The following BANP variants were observed in gnomAD, a reference collection of about 807,000 sequenced individuals.
BANP encodes protein BANP.
BANP carries 11 observed loss-of-function variants against 68.1 expected under a neutral mutation model. That is an observed-to-expected ratio of 0.16 (90% CI 0.10 to 0.27). BANP has a LOEUF of 0.27. Ranked by LOEUF, BANP falls within the 10% of genes least tolerant of loss-of-function variation. The pLI is 1.00. For synonymous variants in BANP, 329 were observed against 303.2 expected, an observed-to-expected ratio of 1.09 and a Z score of -0.88; for missense variants, 504 against 722.7, an observed-to-expected ratio of 0.70 and a Z score of 3.47.
chr16:87,975,071 T>G lies in BANP; in HGVS notation c.-45T>G. On this transcript the variant is annotated 5_prime_UTR_variant, in exon 2 of 14. Coordinates refer to ENST00000682872, the MANE Select transcript of BANP (RefSeq NM_001386991.1). ...AGGTGACCAAAAGCCAGCCCCACTG[T>G]GAGTTGAACTCTTTCGTGTTGACCG... 11 of 1,566,848 alleles carry G rather than the reference T, an allele frequency of 7.0e-6. No homozygotes were observed. Among genetic ancestry groups the G allele is most frequent in the African/African-American group, 1.4e-5 (1 of 73,826 alleles).
At chr16:88,059,321 G>C (rs1423946265) in intron 11 of BANP, among the ~76,000 whole-genome samples, 2 of 151,990 alleles carry the variant, frequency 1.3e-5, no homozygotes, top group Non-Finnish European at 1.5e-5. Flanking sequence ...AGTGCTTGCT[G>C]TTCCTGGGCT....
rs1414442636 is a variant in BANP at position 88,003,470 on chromosome 16, TTCTC to T, written c.363-822_363-819del. ...ACGTTGTGTTTCTAGTGCTAGTTCTTTCTCTCCCCAGCCTTCCACAACAAAGCGG... is the reference window on the plus strand; with the variant it reads ...ACGTTGTGTTTCTAGTGCTAGTTCTTTCCCCAGCCTTCCACAACAAAGCGG... On this transcript the variant is annotated intron_variant, in intron 4 of 13. Coordinates refer to ENST00000682872, the MANE Select transcript of BANP (RefSeq NM_001386991.1). This position sits in a 1 kb window ranked among gnomAD's most constrained non-coding sequence, Gnocchi z 6.1. 1 of 456,316 alleles carries T rather than the reference TTCTC, an allele frequency of 2.2e-6. No individual in the cohort carries two copies. The highest frequency in any genetic ancestry group is 4.4e-6 in the Non-Finnish European group (1 of 226,972). The allele number at this position is 456,316 out of a possible 1,614,324, so 28.3% of individuals were successfully genotyped here.
intron 8 of BANP, among the ~76,000 whole-genome samples, chr16:88,029,811 A>G (rs1011305245): frequency 1.1e-4 from 16 of 152,230 alleles, no homozygotes; most frequent in African/African-American, 3.9e-4. Flanking sequence ...GATACCGGGC[A>G]GAGACACCTG....
chr16:87,949,876 T>C (rs932223315), upstream of BANP: 6 of 129,038 alleles, frequency 4.6e-5, no homozygotes, highest in African/African-American at 2.3e-4. Flanking sequence ...TCTTTCTTTC[T>C]TTTTTTTTTT....
At chr16:88,055,273 C>G (rs1406918833) in intron 11 of BANP, among the ~76,000 whole-genome samples, 5 of 151,968 alleles carry the variant, frequency 3.3e-5, no homozygotes, top group Non-Finnish European at 5.9e-5. Flanking sequence ...AATCCATACA[C>G]CCACCCACCC....
At chr16:87,996,444 C>A (rs1234488125) in intron 4 of BANP, among the ~76,000 whole-genome samples, 1 of 151,232 alleles carries the variant, frequency 6.6e-6, no homozygotes, top group African/African-American at 2.4e-5. Context: ...TGTTGCTGGG[C>A]CCTCGTCCGG....
intron 11 of BANP, among the ~76,000 whole-genome samples, chr16:88,039,924 C>G (rs2080327673): frequency 6.6e-6 from 1 of 152,212 alleles, no homozygotes; most frequent in South Asian, 2.1e-4. Flanking sequence ...TCTAAGTGGC[C>G]TTACCGCAGA....
In BANP at chr16:87,980,263, A is replaced by G. The variant is rs145485471; in HGVS notation, c.71-773A>G. On this transcript the variant is annotated intron_variant, in intron 2 of 13. Transcript: ENST00000682872. ...AAATTTTAAAAAATTGACTAGGTCTAAGGAAAAGGACTAGAAGGGTCACAG... is the reference window on the plus strand; with the variant it reads ...AAATTTTAAAAAATTGACTAGGTCTGAGGAAAAGGACTAGAAGGGTCACAG... 2.9e-3 allele frequency among the ~76,000 whole-genome samples: 445 copies of G among 152,358 alleles called. 2 individuals carry two copies. Among genetic ancestry groups the G allele is most frequent in the African/African-American group, 0.01 (428 of 41,570 alleles).
At chr16:88,000,105 A>T (rs35343503) in intron 4 of BANP, among the ~76,000 whole-genome samples, 3 of 6,144 alleles carry the variant, frequency 4.9e-4, no homozygotes, top group Non-Finnish European at 7.7e-4. Flanking sequence ...TGTACTTACC[A>T]GGCCTTCCAG....
intron 8 of BANP, among the ~76,000 whole-genome samples, chr16:88,030,538 A>T (rs1367238805): frequency 6.6e-6 from 1 of 152,266 alleles, no homozygotes; most frequent in African/African-American, 2.4e-5. Flanking sequence ...GTGAGCAAGA[A>T]GCTGCTGTTA....
intron 2 of BANP, chr16:87,980,771 G>C (rs2063106987): frequency 2.3e-6 from 1 of 443,640 alleles, no homozygotes; most frequent in South Asian, 2.5e-5. Flanking sequence ...AGAGCATGGA[G>C]TCAGAAGTCA....
chr16:87,963,676 C>T (rs760021538), intron 1 of BANP, among the ~76,000 whole-genome samples: 12 of 152,202 alleles, frequency 7.9e-5, no homozygotes, highest in East Asian at 3.8e-4. Flanking sequence ...AAACCCGTTA[C>T]GTTGTGACAC....
chr16:87,962,458 C>G (rs1441774957), intron 1 of BANP, among the ~76,000 whole-genome samples: 1 of 152,116 alleles, frequency 6.6e-6, no homozygotes, highest in East Asian at 1.9e-4. Context: ...CAGGTGCAAG[C>G]TCTTCAGGAC....
chr16:87,996,375 G>A (rs1298696490), intron 4 of BANP, among the ~76,000 whole-genome samples: 1 of 152,270 alleles, frequency 6.6e-6, no homozygotes, highest in Non-Finnish European at 1.5e-5. Context: ...TGGATGTTCT[G>A]CTGCTCTGAA....
At chr16:87,951,159 A>G (rs188458352), upstream of BANP, among the ~76,000 whole-genome samples, 8 of 152,332 alleles carry the variant, frequency 5.3e-5, no homozygotes, top group East Asian at 1.9e-4. Context: ...TTCCGTCTCA[A>G]AGAAGATGCA....
intron 12 of BANP, among the ~76,000 whole-genome samples, chr16:88,065,556 G>A (rs2088297748): frequency 6.6e-6 from 1 of 152,216 alleles, no homozygotes; most frequent in Non-Finnish European, 1.5e-5. Context: ...GGGGTGGGTA[G>A]CTCTGCCCAG....
At position 88,006,288 on chromosome 16, in the gene BANP, C is replaced by T. The variant is rs750336505; in HGVS notation, c.655+23C>T. ...AAGGTGCGTCCAGGGCGGCTTTCCT[C>T]GGCCAGAGCGCCAGTACAATTGTTT... On this transcript the variant is annotated intron_variant, in intron 6 of 13. Coordinates refer to ENST00000682872, the MANE Select transcript of BANP (RefSeq NM_001386991.1). 21 of 1,565,292 alleles carry T rather than the reference C, an allele frequency of 1.3e-5. 1 individual carries two copies. The Admixed American group carries it at 2.2e-4, about 17-fold the overall frequency.
chr16:87,983,220 C>T (rs1052715991), intron 3 of BANP, among the ~76,000 whole-genome samples: 1 of 151,770 alleles, frequency 6.6e-6, no homozygotes, highest in African/African-American at 2.4e-5. Context: ...GAGTACTAAG[C>T]AGGGCTGGTG....
chr16:88,024,184 C>T (rs1477139551), intron 7 of BANP, among the ~76,000 whole-genome samples: 8 of 152,160 alleles, frequency 5.3e-5, no homozygotes, highest in Admixed American at 3.3e-4. Flanking sequence ...GCGTGTTCTT[C>T]CCGTCTCCCC....
Sources: allele counts gnomAD v4.1 joint callset (sites outside exome capture counted in the v4.1 genomes callset), GRCh38; gene constraint gnomAD v4.1.1; non-coding constraint Gnocchi (gnomAD v3.1); transcripts MANE v1.5; gene names NCBI Gene and HGNC (gene_info 2026-07-23, HGNC 2026-07-21).